Variants in MPPED1 observed in about 807,000 individuals in gnomAD.
MPPED1 encodes the protein metallophosphoesterase domain containing 1.
A neutral mutation model predicts 36.2 loss-of-function variants in MPPED1; 16 were observed. That is an observed-to-expected ratio of 0.44 (90% confidence interval 0.30 to 0.67). MPPED1 has a LOEUF of 0.67. MPPED1 is among the 30% of genes least tolerant of loss of function. The pLI is 0.10. For synonymous variants in MPPED1, 199 were observed against 191.3 expected (o/e 1.04, Z -0.33); for missense variants, 307 against 453.4 (o/e 0.68, Z 2.93).
chr22:43,459,935 G>A (rs1466577203), intron 3 of MPPED1, among the ~76,000 whole-genome samples: 4 of 152,104 alleles, frequency 2.6e-5, no homozygotes, highest in Non-Finnish European at 5.9e-5. Context: ...GTGGCCAGGC[G>A]TGGTGGCTTA....
intron 2 of MPPED1, among the ~76,000 whole-genome samples, chr22:43,425,612 G>A (rs1336692278): frequency 3.3e-5 from 5 of 152,214 alleles, no homozygotes; most frequent in Non-Finnish European, 7.3e-5. Context: ...TTTGGGTGGC[G>A]ACCCCTGGTC....
intron 4 of MPPED1, among the ~76,000 whole-genome samples, chr22:43,483,229 C>T (rs565993912): frequency 6.6e-6 from 1 of 152,378 alleles, no homozygotes; most frequent in African/African-American, 2.4e-5. Context: ...TCTCCTGGCC[C>T]CATAGCTTCC....
At chr22:43,467,355 C>T (rs1931208440) in intron 3 of MPPED1, among the ~76,000 whole-genome samples, 1 of 152,256 alleles carries the variant, frequency 6.6e-6, no homozygotes, top group South Asian at 2.1e-4. Context: ...CGCAGCCCTG[C>T]ACTGTGTTCC....
intron 3 of MPPED1, among the ~76,000 whole-genome samples, chr22:43,437,403 C>T (rs1453168563): frequency 6.6e-6 from 1 of 152,170 alleles, no homozygotes; most frequent in East Asian, 1.9e-4. Flanking sequence ...TCCCATTTTA[C>T]AGAGGAGAAA....
chr22:43,417,205 T>G (rs1242143541), intron 1 of MPPED1, among the ~76,000 whole-genome samples: 1 of 152,228 alleles, frequency 6.6e-6, no homozygotes, highest in Non-Finnish European at 1.5e-5. Context: ...GTTGATCCTT[T>G]TGCAAGGAAT....
At chr22:43,467,417 C>T (rs80318) in intron 3 of MPPED1, among the ~76,000 whole-genome samples, 54,288 of 152,184 alleles carry the variant, frequency 0.36, 11,887 homozygotes, top group Non-Finnish European at 0.48. Flanking sequence ...AGAACTCTCC[C>T]GCCTGTTCAG....
chr22:43,483,994 C>T (rs1487781267), intron 4 of MPPED1, among the ~76,000 whole-genome samples: 2 of 152,242 alleles, frequency 1.3e-5, no homozygotes, highest in South Asian at 2.1e-4. Context: ...GGATGGAGGG[C>T]GAGTCCAACT....
rs573961372 is a variant in MPPED1, at chr22:43,484,310, G to T, written c.632+9349G>T. On this transcript the variant is annotated intron_variant, in intron 4 of 6. Coordinates refer to ENST00000443721, the MANE Select transcript of MPPED1 (RefSeq NM_001044370.2). Reference sequence around the variant, plus strand: ...GATCTCCATTCCCATCTTACAGATGGGTCAGGTAAGGCTTGAGTAGGTCTA... The same window carrying T: ...GATCTCCATTCCCATCTTACAGATGTGTCAGGTAAGGCTTGAGTAGGTCTA... Among the ~76,000 whole-genome samples, 10 of 152,340 alleles carry T rather than the reference G, an allele frequency of 6.6e-5. No homozygotes were observed. The South Asian group carries it at 1.7e-3, about 25-fold the overall frequency.
At chr22:43,470,780 C>G (rs755338092) in intron 3 of MPPED1, among the ~76,000 whole-genome samples, 1 of 152,258 alleles carries the variant, frequency 6.6e-6, no homozygotes. Flanking sequence ...GATAGTAACA[C>G]TTAAGTGTCT....
intron 4 of MPPED1, among the ~76,000 whole-genome samples, chr22:43,477,234 A>G (rs1931604518): frequency 1.3e-5 from 2 of 152,188 alleles, no homozygotes; most frequent in Admixed American, 1.3e-4. Context: ...CTGTCACTTG[A>G]CAGCCCTTAA....
At chr22:43,494,406 T>G (rs1425948447) in intron 4 of MPPED1, among the ~76,000 whole-genome samples, 1 of 152,160 alleles carries the variant, frequency 6.6e-6, no homozygotes, top group Non-Finnish European at 1.5e-5. Context: ...CACACTGTTG[T>G]GGTTTCTGAT....
intron 3 of MPPED1, among the ~76,000 whole-genome samples, chr22:43,447,881 ATATTTTT>A (rs1433498882): frequency 2.9e-5 from 1 of 34,588 alleles, no homozygotes; most frequent in Non-Finnish European, 4.9e-5. Flanking sequence ...ATATATATAT[ATATTTTT>A]TTTTTTTTTA....
chr22:43,412,496 A>C (rs1928936809), intron 1 of MPPED1, among the ~76,000 whole-genome samples: 2 of 152,114 alleles, frequency 1.3e-5, no homozygotes, highest in South Asian at 4.1e-4. Context: ...AGTGATGATG[A>C]TAGTGGTAAC....
At chr22:43,473,150 CATGGT>C (rs1931433158) in intron 3 of MPPED1, among the ~76,000 whole-genome samples, 1 of 152,214 alleles carries the variant, frequency 6.6e-6, no homozygotes, top group South Asian at 2.1e-4. Flanking sequence ...AGTTTTTGGT[CATGGT>C]GGAAAAGGCT....
intron 3 of MPPED1, among the ~76,000 whole-genome samples, chr22:43,440,892 G>T (rs1234130677): frequency 6.6e-6 from 1 of 152,080 alleles, no homozygotes; most frequent in Non-Finnish European, 1.5e-5. Flanking sequence ...GCTCCATGTG[G>T]CCTCCCTCTC....
intron 4 of MPPED1, among the ~76,000 whole-genome samples, chr22:43,489,523 A>AT (rs143578421): frequency 0.067 from 9,606 of 143,768 alleles, 467 homozygotes; most frequent in East Asian, 0.13. Context: ...GTCCCCTGAC[A>AT]TTTTTTTTTT....
chr22:43,496,605 A>T (rs1183791028), intron 4 of MPPED1, among the ~76,000 whole-genome samples: 3 of 16,406 alleles, frequency 1.8e-4, no homozygotes, highest in Non-Finnish European at 9.0e-5. Context: ...GTGGTGGTGG[A>T]GGTAGTGGTG....
At position 43,474,893 on chromosome 22, in the gene MPPED1, G is replaced by A; in HGVS notation, c.564G>A (p.Leu188=). The change falls in exon 4 of 7, where the codon CTG becomes CTA. Residue 188 remains leucine (L), a synonymous_variant. Transcript: ENST00000443721. This position sits in a 1 kb window ranked among gnomAD's most constrained non-coding sequence, Gnocchi z 5.2. ...ACTATGAGAATGTGCAGTCGCTGCT[G>A]ACCAACTGCATCTACCTTCAGGACT... ...PENYENVQSL[L]TNCIYLQDSE... The A allele has an allele frequency of 6.2e-7, 1 of 1,614,022 alleles. No individual in the cohort carries two copies. Among genetic ancestry groups the A allele is most frequent in the Non-Finnish European group, 8.5e-7 (1 of 1,179,902 alleles).
chr22:43,441,768 G>C (rs989066496), intron 3 of MPPED1, among the ~76,000 whole-genome samples: 2 of 152,164 alleles, frequency 1.3e-5, no homozygotes, highest in African/African-American at 4.8e-5. Context: ...AGGGAGGAAG[G>C]GGGAGAAAGG....
Sources: allele counts gnomAD v4.1 joint callset (sites outside exome capture counted in the v4.1 genomes callset), GRCh38; gene constraint gnomAD v4.1.1; non-coding constraint Gnocchi (gnomAD v3.1); transcripts MANE v1.5; gene names NCBI Gene and HGNC (gene_info 2026-07-23, HGNC 2026-07-21).